Variants in GTF2E2 observed in about 807,000 individuals in gnomAD.
GTF2E2 encodes the protein transcription initiation factor IIE subunit beta.
In GTF2E2, 21 loss-of-function variants were observed where a neutral mutation model predicts 40.5. That is an observed-to-expected ratio of 0.52 (90% confidence interval 0.37 to 0.75). GTF2E2 has a LOEUF of 0.75. Among genes scored for constraint, GTF2E2 ranks in the 30% least tolerant of loss-of-function variants. GTF2E2 has a pLI of 0.00. For synonymous variants in GTF2E2, 117 were observed against 121.6 expected (o/e 0.96, Z 0.25); for missense variants, 298 against 338.4 (o/e 0.88, Z 0.94).
At position 30,600,391 on chromosome 8, in the gene GTF2E2, T is replaced by C. The variant is rs1489182200; in HGVS notation, c.643+6666A>G. 3.3e-5 allele frequency among the ~76,000 whole-genome samples: 5 copies of C among 152,342 alleles called. No homozygotes were observed. The East Asian group carries it at 9.6e-4, about 29-fold the overall frequency. ...AATAATAGTTAACATTACCATGTTC[T>C]TACTTTCCACCAGATTCTGTTCCAA... On this transcript the variant is annotated intron_variant, in intron 6 of 7. Transcript: ENST00000355904.
intron 6 of GTF2E2, among the ~76,000 whole-genome samples, chr8:30,587,357 T>G (rs1828711880): frequency 1.3e-5 from 2 of 151,862 alleles, no homozygotes; most frequent in Admixed American, 6.6e-5. Flanking sequence ...AGGCTGCAGT[T>G]AGCTGAGATC....
In GTF2E2 at chr8:30,612,318, T is replaced by C. The variant is rs753435715; in HGVS notation, c.530A>G (p.Asn177Ser). 2.5e-6 allele frequency: 4 copies of C among 1,608,098 alleles called. No individual in the cohort carries two copies. The highest frequency in any genetic ancestry group is 1.7e-5 in the Admixed American group (1 of 59,780). ...LLEDIEEALP[N>S]SQKAVKALGD... Reference sequence around the variant, plus strand: ...GATTACCTTGACAGCTTTCTGGGAATTGGGCAGTGCTTCTTCTATGTCTTC... The same window carrying C: ...GATTACCTTGACAGCTTTCTGGGAACTGGGCAGTGCTTCTTCTATGTCTTC... The change falls in exon 5 of 8, where the codon AAT becomes AGT. Residue 177 changes from asparagine to serine, a missense_variant. Physicochemically the swap from Asn to Ser is conservative, Grantham distance 46. Coordinates refer to ENST00000355904, the MANE Select transcript of GTF2E2 (RefSeq NM_002095.6).
At chr8:30,649,257 AATT>A (rs1423694217) in intron 2 of GTF2E2, among the ~76,000 whole-genome samples, 1 of 152,086 alleles carries the variant, frequency 6.6e-6, no homozygotes, top group African/African-American at 2.4e-5. Flanking sequence ...CATCAATAAA[AATT>A]ATTATTGCTA....
chr8:30,611,219 G>C lies in GTF2E2; in HGVS notation c.549+1080C>G, dbSNP rs908417111. On this transcript the variant is annotated intron_variant, in intron 5 of 7. Transcript: ENST00000355904. ...ACTTAACCACAAAACAAAACAAATA[G>C]AAACACTCTTGGGAGGAATGTAACA... Among the ~76,000 whole-genome samples, 5 of 152,202 alleles carry C rather than the reference G, an allele frequency of 3.3e-5. No individual in the cohort carries two copies. In the East Asian group the frequency reaches 9.6e-4, roughly 29 times the overall value.
chr8:30,579,369 C>T (rs1368708614), intron 7 of GTF2E2, among the ~76,000 whole-genome samples: 3 of 152,096 alleles, frequency 2.0e-5, no homozygotes, highest in Non-Finnish European at 2.9e-5. Flanking sequence ...CCACCATTAC[C>T]GATTTTAAAA....
intron 6 of GTF2E2, among the ~76,000 whole-genome samples, chr8:30,595,795 G>A (rs918203964): frequency 5.3e-5 from 8 of 151,920 alleles, no homozygotes; most frequent in African/African-American, 1.9e-4. Flanking sequence ...TTGCACCACT[G>A]CACTCTCGCC....
intron 2 of GTF2E2, chr8:30,638,633 A>G (rs1315861696): frequency 2.0e-5 from 3 of 152,658 alleles, no homozygotes; most frequent in South Asian, 2.1e-4. Flanking sequence ...ATCCTCTCAG[A>G]CAAGAGGTAG....
At position 30,580,279 on chromosome 8, in the gene GTF2E2, A is replaced by G; in HGVS notation, c.759+2T>C. 6.6e-7 allele frequency: 1 copy of G among 1,518,954 alleles called. No homozygotes were observed. Among genetic ancestry groups the G allele is most frequent in the Non-Finnish European group, 9.1e-7 (1 of 1,093,162 alleles). The allele number at this position is 1,518,954 out of a possible 1,614,324, so 94.1% of individuals were successfully genotyped here. ...TAAGCTGCTTTGCTAGAGATTACGC[A>G]CCACTTTCTTTGGTCCAGATTCCTG... On this transcript the variant is annotated splice_donor_variant, in intron 7 of 7. Coordinates refer to ENST00000355904, the MANE Select transcript of GTF2E2 (RefSeq NM_002095.6). LOFTEE classifies it high-confidence loss of function.
intron 2 of GTF2E2, among the ~76,000 whole-genome samples, chr8:30,642,312 G>T (rs1326829792): frequency 9.9e-6 from 1 of 100,664 alleles, no homozygotes; most frequent in Non-Finnish European, 2.1e-5. Flanking sequence ...AAAAAAAAAG[G>T]AAAGGAATAA....
At chr8:30,656,826 AAGT>A (rs1348852630) in intron 1 of GTF2E2, 6 of 151,578 alleles carry the variant, frequency 4.0e-5, no homozygotes, top group Admixed American at 1.3e-4. Context: ...AAAAAAAAAA[AAGT>A]AAATAAAGCC....
At chr8:30,634,989 A>G (rs1469575051) in intron 3 of GTF2E2, 43 bp downstream of exon 3, 5 of 1,111,536 alleles carry the variant, frequency 4.5e-6, no homozygotes, top group Non-Finnish European at 5.4e-6. Flanking sequence ...TTCTTTTGCC[A>G]AAAAGTTAAA....
At chr8:30,602,848 C>T (rs998235607) in intron 6 of GTF2E2, among the ~76,000 whole-genome samples, 3 of 151,640 alleles carry the variant, frequency 2.0e-5, no homozygotes, top group African/African-American at 7.3e-5. Context: ...TTTGTCTTTG[C>T]TATTCCCTCT....
At chr8:30,651,027 C>A (rs112525482) in intron 2 of GTF2E2, among the ~76,000 whole-genome samples, 1,637 of 125,676 alleles carry the variant, frequency 0.013, 36 homozygotes, top group African/African-American at 0.045. Context: ...AAAAAAAAAA[C>A]CACCTCTCAA....
intron 6 of GTF2E2, 36 bp downstream of exon 6, chr8:30,607,021 T>A (rs1354330433): frequency 1.3e-6 from 1 of 750,944 alleles, no homozygotes; most frequent in African/African-American, 1.8e-5. Flanking sequence ...AATTGTAATA[T>A]ACTTGCAAAC....
intron 2 of GTF2E2, among the ~76,000 whole-genome samples, chr8:30,635,567 G>A (rs1322564020): frequency 1.3e-5 from 2 of 151,962 alleles, no homozygotes; most frequent in East Asian, 3.9e-4. Flanking sequence ...ATTTTTTGTA[G>A]AGATGGGGTT....
intron 6 of GTF2E2, among the ~76,000 whole-genome samples, chr8:30,598,732 G>A (rs1038993387): frequency 6.6e-6 from 1 of 152,170 alleles, no homozygotes; most frequent in Non-Finnish European, 1.5e-5. Context: ...TATTTTAGAG[G>A]TACAATCTCA....
chr8:30,587,926 C>T (rs1246156622), intron 6 of GTF2E2, among the ~76,000 whole-genome samples: 6 of 145,492 alleles, frequency 4.1e-5, no homozygotes, highest in Non-Finnish European at 9.0e-5. Flanking sequence ...TATTGCTCAT[C>T]ATTGCTAATC....
At chr8:30,593,036 A>G (rs1828893680) in intron 6 of GTF2E2, among the ~76,000 whole-genome samples, 1 of 152,152 alleles carries the variant, frequency 6.6e-6, no homozygotes, top group African/African-American at 2.4e-5. Flanking sequence ...TCTACTAAAA[A>G]TACAAAAATT....
At chr8:30,618,284 C>T (rs1481925259) in intron 3 of GTF2E2, among the ~76,000 whole-genome samples, 1 of 7,578 alleles carries the variant, frequency 1.3e-4, no homozygotes, top group African/African-American at 7.4e-4. Context: ...CACTCTGTCT[C>T]GGGGGGCGGG....
Sources: allele counts gnomAD v4.1 joint callset (sites outside exome capture counted in the v4.1 genomes callset), GRCh38; gene constraint gnomAD v4.1.1; transcripts MANE v1.5; gene names NCBI Gene and HGNC (gene_info 2026-07-23, HGNC 2026-07-21).